MEST: variants seen among roughly 807,000 people sequenced by gnomAD.
MEST encodes mesoderm specific transcript.
In MEST, 18 loss-of-function variants were observed where a neutral mutation model predicts 50.9. The ratio of observed to expected loss-of-function variants is 0.35; its 90% CI spans 0.24 to 0.52. The LOEUF is 0.52. Among genes scored for constraint, MEST ranks in the 20% least tolerant of loss-of-function variants. The pLI, the probability that MEST is intolerant of heterozygous loss-of-function variation, is 0.94. For synonymous variants in MEST, 130 were observed against 154.1 expected (o/e 0.84, Z 1.16); for missense variants, 282 against 425.3 (o/e 0.66, Z 2.96).
At chr7:130,499,010 T>G (rs1799176494) in intron 6 of MEST, among the ~76,000 whole-genome samples, 1 of 152,220 alleles carries the variant, frequency 6.6e-6, no homozygotes. Flanking sequence ...GGAACCAATT[T>G]TTTTTCTCAT....
At chr7:130,502,533 C>A (rs1799313349) in intron 9 of MEST, 111 bp from the exon 10 acceptor site, 2 of 791,618 alleles carry the variant, frequency 2.5e-6, no homozygotes, top group East Asian at 2.5e-5. Context: ...TGCTAAACTG[C>A]TTCTGGATTA....
chr7:130,496,575 A>G (rs73724328), intron 2 of MEST: 1,810 of 178,994 alleles, frequency 0.01, 35 homozygotes, highest in African/African-American at 0.042. Context: ...TGTCATATGC[A>G]TTAAAAAAGT....
Position 130,497,399 on chromosome 7 carries a change from G to T in MEST, c.261+164G>T, listed in dbSNP as rs1375764814. Reference sequence around the variant, plus strand: ...TGGCAAAACCCCATCTCTACTAAAAGTATAAAAATTGGCCAGGCATGGTGG... The same window carrying T: ...TGGCAAAACCCCATCTCTACTAAAATTATAAAAATTGGCCAGGCATGGTGG... On this transcript the variant is annotated intron_variant, in intron 3 of 11. Transcript: ENST00000223215. This position sits in a 1 kb window ranked among gnomAD's most constrained non-coding sequence, Gnocchi z 4.0. The T allele has an allele frequency of 6.5e-6, 3 of 459,244 alleles. No individual in the cohort carries two copies. Among genetic ancestry groups the T allele is most frequent in the African/African-American group, 6.1e-5 (3 of 48,882 alleles). 28.4% of individuals were successfully genotyped at this position (459,244 alleles called of 1,614,324 possible).
chr7:130,504,043 G>T, intron 11 of MEST, 47 bp downstream of exon 11: 1 of 1,491,318 alleles, frequency 6.7e-7, no homozygotes, highest in South Asian at 1.1e-5. Flanking sequence ...ATCTCATCCT[G>T]ACAGTGGTAA....
intron 1 of MEST, chr7:130,493,396 A>G (rs1267509080): frequency 5.3e-5 from 8 of 152,130 alleles, no homozygotes; most frequent in African/African-American, 1.9e-4. Flanking sequence ...TGGCTCATCA[A>G]ATAGTTGGGA....
chr7:130,497,282 G>C lies in MEST; in HGVS notation c.261+47G>C. ...GTCCTACTATGTCTTAAAAAATCTC[G>C]GCCGGGCGCGGGGGCTCAAATCCTA... On this transcript the variant is annotated intron_variant, in intron 3 of 11. Coordinates refer to ENST00000223215, the MANE Select transcript of MEST (RefSeq NM_002402.4). The surrounding 1 kb of genome is among the most constrained non-coding windows in gnomAD (Gnocchi z 4.0). 1 of 1,533,032 alleles carries C rather than the reference G, an allele frequency of 6.5e-7. No homozygotes were observed. The highest frequency in any genetic ancestry group is 1.7e-5 in the Admixed American group (1 of 57,148). The allele number at this position is 1,533,032 out of a possible 1,614,324, so 95.0% of individuals were successfully genotyped here.
In MEST at chr7:130,505,032, T is replaced by C. The variant is rs577018893; in HGVS notation, c.984T>C (p.Tyr328=). The part of the protein sequence containing the change: ...LEDPMGFLNA[Y]MGFINSF ...ATCCCATGGGCTTCTTGAATGCATA[T>C]ATGGGCTTCATCAACTCCTTCTGAG... The change falls in exon 12 of 12, where the codon TAT becomes TAC. Residue 328 remains tyrosine (Y), a synonymous_variant. Coordinates refer to ENST00000223215, the MANE Select transcript of MEST (RefSeq NM_002402.4). 6 of 1,613,370 alleles carry C rather than the reference T, an allele frequency of 3.7e-6. No individual in the cohort carries two copies. In the East Asian group the frequency reaches 6.7e-5, roughly 18 times the overall value.
intron 10 of MEST, among the ~76,000 whole-genome samples, chr7:130,503,547 G>A (rs556683187): frequency 1.9e-4 from 29 of 152,314 alleles, no homozygotes; most frequent in East Asian, 1.3e-3. Flanking sequence ...GGATGCTCAC[G>A]TCTGTAATCC....
In MEST at chr7:130,497,874, G is replaced by C. The variant is rs1799124058; in HGVS notation, c.262-62G>C. The C allele has an allele frequency of 1.4e-6, 2 of 1,476,986 alleles. No individual in the cohort carries two copies. The highest frequency in any genetic ancestry group is 1.9e-6 in the Non-Finnish European group (2 of 1,055,270). The allele number at this position is 1,476,986 out of a possible 1,614,324, so 91.5% of individuals were successfully genotyped here. ...ATAGGGCTGAAGCTCCTGTGCAACT[G>C]TAGGTCTGGTGAAAGGGAGGGGCAG... On this transcript the variant is annotated intron_variant, in intron 3 of 11. Transcript: ENST00000223215. The surrounding 1 kb of genome is among the most constrained non-coding windows in gnomAD (Gnocchi z 4.0).
At position 130,497,890 on chromosome 7, in the gene MEST, G is replaced by A; in HGVS notation, c.262-46G>A. On this transcript the variant is annotated intron_variant, in intron 3 of 11. Transcript: ENST00000223215. The surrounding 1 kb of genome is among the most constrained non-coding windows in gnomAD (Gnocchi z 4.0). Reference sequence around the variant, plus strand: ...TGTGCAACTGTAGGTCTGGTGAAAGGGAGGGGCAGGAGCAGAAAGCCCAAA... The same window carrying A: ...TGTGCAACTGTAGGTCTGGTGAAAGAGAGGGGCAGGAGCAGAAAGCCCAAA... 3 of 1,569,806 alleles carry A rather than the reference G, an allele frequency of 1.9e-6. No homozygotes were observed. Among genetic ancestry groups the A allele is most frequent in the Non-Finnish European group, 2.6e-6 (3 of 1,139,702 alleles).
Position 130,500,807 on chromosome 7 carries a change from G to A in MEST, c.666G>A (p.Gly222=), listed in dbSNP as rs782820722. 1.2e-6 allele frequency: 2 copies of A among 1,613,024 alleles called. No homozygotes were observed. Among genetic ancestry groups the A allele is most frequent in the Non-Finnish European group, 1.7e-6 (2 of 1,179,644 alleles). The stretch of plus-strand genomic sequence containing the variant: ...CTTTCAGTCTCACCCCAGTCTTTGG[G>A]CCGTATACTCGGCCCTCTGAGAGTG... ...VFSRGLTPVF[G]PYTRPSESEL... is the part of the protein sequence containing the mutation. Residue 222 remains glycine (G), a synonymous_variant, in exon 9 of 12, where the codon GGG becomes GGA. Transcript: ENST00000223215. The surrounding 1 kb of genome is among the most constrained non-coding windows in gnomAD (Gnocchi z 5.0).
At position 130,492,329 on chromosome 7, in the gene MEST, C is replaced by G; in HGVS notation, c.16C>G (p.Arg6Gly). ...TAACGCGGCCATGGTGCGCCGAGAT[C>G]GCCTCCGCAGGTGAGTGTGCGGTGG... MVRRD[R>G]LRRMREWWVQ... The change falls in exon 1 of 12, where the codon CGC (arginine) becomes GGC (glycine). Residue 6 changes from arginine (R) to glycine (G), a missense_variant. Transcript: ENST00000223215. The surrounding 1 kb of genome is among the most constrained non-coding windows in gnomAD (Gnocchi z 7.6). The G allele has an allele frequency of 3.0e-6, 4 of 1,340,714 alleles. No homozygotes were observed. In the South Asian group the frequency reaches 8.9e-5, roughly 30 times the overall value. 83.1% of individuals were successfully genotyped at this position (1,340,714 alleles called of 1,614,324 possible). A position where few individuals can be genotyped will look rare whatever the true frequency, so the allele number is the denominator to read the frequency against.
At chr7:130,496,629 T>C (rs1799072752) in intron 2 of MEST, 1 of 166,152 alleles carries the variant, frequency 6.0e-6, no homozygotes, top group Admixed American at 6.4e-5. Flanking sequence ...TGACAGGATT[T>C]TGTAATAGTT....
In MEST at chr7:130,500,048, A is replaced by G; in HGVS notation, c.576+133A>G. 1 of 817,646 alleles carries G rather than the reference A, an allele frequency of 1.2e-6. No homozygotes were observed. 50.6% of individuals were successfully genotyped at this position (817,646 alleles called of 1,614,324 possible). On this transcript the variant is annotated intron_variant, in intron 7 of 11. Coordinates refer to ENST00000223215, the MANE Select transcript of MEST (RefSeq NM_002402.4). The surrounding 1 kb of genome is among the most constrained non-coding windows in gnomAD (Gnocchi z 5.0). ...CTTCCTTGTGAATTTCTATTAATGA[A>G]GTTACTTTTTCCCTTCTTAGGCAAC...
Position 130,497,961 on chromosome 7 carries a change from T to G in MEST, c.287T>G (p.Phe96Cys). 6.2e-7 allele frequency: 1 copy of G among 1,614,230 alleles called. No individual in the cohort carries two copies. Among genetic ancestry groups the G allele is most frequent in the South Asian group, 1.1e-5 (1 of 91,088 alleles). ...ATTTGGGAAGGTCTGACCTTGAGGT[T>G]TCATCGGGTGATTGCCCTTGATTTC... is the stretch of plus-strand genomic sequence containing the variant. ...YKIWEGLTLRFHRVIALDFLG... is the reference protein window; with the variant it reads ...YKIWEGLTLRCHRVIALDFLG... Residue 96 changes from phenylalanine (F) to cysteine (C), a missense_variant, in exon 4 of 12, where the codon TTT becomes TGT. Transcript: ENST00000223215. This position sits in a 1 kb window ranked among gnomAD's most constrained non-coding sequence, Gnocchi z 4.0.
Position 130,500,105 on chromosome 7 carries a change from C to A in MEST, c.576+190C>A. 1.8e-6 allele frequency: 1 copy of A among 565,446 alleles called. No homozygotes were observed. Among genetic ancestry groups the A allele is most frequent in the Non-Finnish European group, 3.1e-6 (1 of 324,330 alleles). The allele number at this position is 565,446 out of a possible 1,614,324, so 35.0% of individuals were successfully genotyped here. A position where few individuals can be genotyped will look rare whatever the true frequency, so the allele number is the denominator to read the frequency against. On this transcript the variant is annotated intron_variant, in intron 7 of 11. Transcript: ENST00000223215. This position sits in a 1 kb window ranked among gnomAD's most constrained non-coding sequence, Gnocchi z 5.0. ...AGAGGCAGTGGCCCCTACGTAAACC[C>A]AAAACCAATCCTAAGAATAAGAGAT... is the stretch of plus-strand genomic sequence containing the variant.
At chr7:130,495,574 G>A in intron 2 of MEST, 52 bp downstream of exon 2, 1 of 1,567,296 alleles carries the variant, frequency 6.4e-7, no homozygotes, top group Non-Finnish European at 8.7e-7. Context: ...ATAAGTCCCA[G>A]CTGAGGTATT....
chr7:130,490,638 G>A (rs908194599), upstream of MEST, among the ~76,000 whole-genome samples: 3 of 152,208 alleles, frequency 2.0e-5, no homozygotes, highest in Admixed American at 2.0e-4. Flanking sequence ...TGCCACAAAC[G>A]TCGCTAGGAA....
chr7:130,499,960 AC>A (rs781970780), intron 7 of MEST, 45 bp downstream of exon 7: 8 of 1,528,952 alleles, frequency 5.2e-6, no homozygotes, highest in Non-Finnish European at 7.2e-6. Flanking sequence ...ATTTGTACTG[AC>A]GTAAATAATG....
Sources: gnomAD v4.1 joint callset for allele counts (sites outside exome capture counted in the v4.1 genomes callset) on GRCh38, gnomAD v4.1.1 for gene constraint, Gnocchi (gnomAD v3.1) non-coding constraint, MANE v1.5 for transcripts, NCBI Gene and HGNC (gene_info 2026-07-23, HGNC 2026-07-21) for gene names.